SHTN1: variants seen among roughly 807,000 people sequenced by gnomAD.
SHTN1 encodes shootin 1, also known as shootin-1.
In SHTN1, 42 loss-of-function variants were observed where a neutral mutation model predicts 83.1. That is an observed-to-expected ratio of 0.51 (90% CI 0.39 to 0.65). The LOEUF (loss-of-function observed/expected upper bound fraction) is 0.65. Ranked by LOEUF, SHTN1 falls within the 30% of genes least tolerant of loss-of-function variation. SHTN1 has a pLI of 0.00. For missense variants in SHTN1, 622 were observed against 737.8 expected (o/e 0.84, Z 1.82); for synonymous variants, 224 against 247.7 (o/e 0.90, Z 0.90).
chr10:117,092,726 T>C (rs1485169422), intron 1 of SHTN1, among the ~76,000 whole-genome samples: 1 of 152,188 alleles, frequency 6.6e-6, no homozygotes, highest in African/African-American at 2.4e-5. Flanking sequence ...TGGAGAAGCT[T>C]GGACTTATTC....
chr10:117,121,970 T>A (rs1479304703), intron 1 of SHTN1, among the ~76,000 whole-genome samples: 2 of 152,028 alleles, frequency 1.3e-5, no homozygotes, highest in African/African-American at 4.8e-5. Flanking sequence ...GGGAGAAGCT[T>A]GCAATGAGCT....
At chr10:117,099,874 T>G (rs6585427) in intron 1 of SHTN1, among the ~76,000 whole-genome samples, 139,322 of 152,130 alleles carry the variant, frequency 0.92, 65,003 homozygotes, top group Non-Finnish European at 1. Context: ...TGTCTATCAG[T>G]TTGTCATAAA....
At position 116,881,740 on chromosome 10, in the gene SHTN1, G is replaced by GT; in HGVS notation, c.*4603dup. ...ACCGGGAGGTCTGAAGTACGGCGCC[G>GT]TGTCTCCACATGGAGTTTCCTCTTC... On this transcript the variant is annotated 3_prime_UTR_variant, in exon 17 of 17. Transcript: ENST00000355371. 1 of 1,197,576 alleles carries GT rather than the reference G, an allele frequency of 8.4e-7. No individual in the cohort carries two copies. The highest frequency in any genetic ancestry group is 1.1e-6 in the Non-Finnish European group (1 of 920,726). 74.2% of individuals were successfully genotyped at this position (1,197,576 alleles called of 1,614,324 possible). A position where few individuals can be genotyped will look rare whatever the true frequency, so the allele number is the denominator to read the frequency against.
At chr10:116,916,463 T>A (rs531250263) in intron 12 of SHTN1, among the ~76,000 whole-genome samples, 3 of 152,198 alleles carry the variant, frequency 2.0e-5, no homozygotes, top group Non-Finnish European at 2.9e-5. Context: ...CCTGGCAATA[T>A]GGTGGGCACT....
Position 116,949,005 on chromosome 10 carries a change from T to C in SHTN1, c.535-8A>G, listed in dbSNP as rs371935687. 109 of 1,539,086 alleles carry C rather than the reference T, an allele frequency of 7.1e-5. No homozygotes were observed. Among genetic ancestry groups the C allele is most frequent in the Non-Finnish European group, 6.7e-5 (77 of 1,143,072 alleles). The stretch of plus-strand genomic sequence containing the variant: ...TTGTTTAACTTTATTTACCTAAAAA[T>C]GTGAAATTTTGAGGGGAGAAAACAC... On this transcript the variant is annotated splice_region_variant and splice_polypyrimidine_tract_variant and intron_variant, in intron 6 of 16. Coordinates refer to ENST00000355371, the MANE Select transcript of SHTN1 (RefSeq NM_001127211.3).
chr10:116,926,301 T>A (rs1358999511), intron 11 of SHTN1, among the ~76,000 whole-genome samples: 4 of 152,214 alleles, frequency 2.6e-5, no homozygotes. Context: ...TCCCTCTTCA[T>A]GGACAGAAGT....
At chr10:117,054,519 C>T (rs1353125303) in intron 1 of SHTN1, among the ~76,000 whole-genome samples, 4 of 151,430 alleles carry the variant, frequency 2.6e-5, no homozygotes, top group Non-Finnish European at 1.5e-5. Context: ...CATTCTCCTG[C>T]CTCAGCCTCC....
At chr10:116,893,235 A>G (rs1847395122) in intron 16 of SHTN1, among the ~76,000 whole-genome samples, 1 of 152,100 alleles carries the variant, frequency 6.6e-6, no homozygotes, top group Non-Finnish European at 1.5e-5. Context: ...CAGCGGGGGA[A>G]GGAAAAAAAA....
chr10:117,098,538 G>A (rs1315400531), intron 1 of SHTN1, among the ~76,000 whole-genome samples: 1 of 151,908 alleles, frequency 6.6e-6, no homozygotes, highest in African/African-American at 2.4e-5. Context: ...GCCCTGATTT[G>A]CTCATCAACA....
intron 1 of SHTN1, among the ~76,000 whole-genome samples, chr10:116,985,473 C>A (rs997426485): frequency 6.6e-6 from 1 of 152,152 alleles, no homozygotes; most frequent in African/African-American, 2.4e-5. Context: ...ACATCTTTAT[C>A]TATCCAGATT....
chr10:117,102,065 T>TA (rs199716651), intron 1 of SHTN1, among the ~76,000 whole-genome samples: 2,024 of 136,900 alleles, frequency 0.015, 18 homozygotes, highest in East Asian at 0.021. Context: ...ACTTTGTTCT[T>TA]AAAAAAAAAA....
chr10:116,910,554 G>A (rs967518401), intron 14 of SHTN1, among the ~76,000 whole-genome samples: 1 of 152,138 alleles, frequency 6.6e-6, no homozygotes. Context: ...ATTATCATAT[G>A]TACCTCATAG....
At chr10:116,907,068 T>G (rs898054804) in intron 14 of SHTN1, among the ~76,000 whole-genome samples, 8 of 152,096 alleles carry the variant, frequency 5.3e-5, no homozygotes, top group Non-Finnish European at 1.2e-4. Context: ...ACGTGATGTG[T>G]GTTGACTGGG....
At chr10:116,991,984 A>G (rs7084218) in intron 1 of SHTN1, among the ~76,000 whole-genome samples, 3,471 of 152,104 alleles carry the variant, frequency 0.023, 126 homozygotes, top group African/African-American at 0.079. Flanking sequence ...TCTACAAAAA[A>G]TACCCATACT....
intron 2 of SHTN1, among the ~76,000 whole-genome samples, chr10:117,027,475 A>T (rs2133569236): frequency 6.8e-6 from 1 of 147,204 alleles, no homozygotes; most frequent in East Asian, 2.0e-4. Context: ...CTTTTTTTTT[A>T]AATAAATTAC....
intron 4 of SHTN1, among the ~76,000 whole-genome samples, chr10:116,958,911 C>A (rs1005294782): frequency 2.0e-5 from 3 of 152,178 alleles, no homozygotes; most frequent in African/African-American, 7.2e-5. Context: ...TCCATAAACT[C>A]TGCCAATCCT....
At chr10:117,097,008 C>T (rs1047381663) in intron 1 of SHTN1, among the ~76,000 whole-genome samples, 4 of 146,158 alleles carry the variant, frequency 2.7e-5, no homozygotes, top group Non-Finnish European at 6.0e-5. Context: ...AGCGCGCACG[C>T]GCGCGCACAC....
chr10:116,907,489 AG>A (rs1848017523), intron 14 of SHTN1, among the ~76,000 whole-genome samples: 1 of 152,208 alleles, frequency 6.6e-6, no homozygotes. Context: ...AAGAAGACAG[AG>A]GAAGATCCAT....
intron 1 of SHTN1, among the ~76,000 whole-genome samples, chr10:117,095,645 T>C (rs748144791): frequency 6.6e-6 from 1 of 152,208 alleles, no homozygotes; most frequent in African/African-American, 2.4e-5. Context: ...AACAAAAATA[T>C]ATAACAGGAC....
Sources: allele counts gnomAD v4.1 joint callset (sites outside exome capture counted in the v4.1 genomes callset), GRCh38; gene constraint gnomAD v4.1.1; transcripts MANE v1.5; gene names NCBI Gene and HGNC (gene_info 2026-07-23, HGNC 2026-07-21).